The following DMD variants were observed in gnomAD, a reference collection of about 807,000 sequenced individuals.
DMD encodes the protein mutant dystrophin.
Under a neutral mutation model 330.1 loss-of-function variants are expected in DMD, and 63 were observed. The observed-to-expected ratio is 0.19, with a 90% CI of 0.16 to 0.24. The LOEUF (loss-of-function observed/expected upper bound fraction) is 0.24, where lower values mean the gene tolerates loss of function less well. DMD is among the 10% of genes least tolerant of loss of function. The pLI is 1.00. For missense variants in DMD, 3,344 were observed against 2,684.1 expected (o/e 1.25, Z -5.43); for synonymous variants, 1,223 against 959.8 (o/e 1.27, Z -5.07).
intron 2 of DMD, among the ~76,000 whole-genome samples, chrX:33,007,018 T>C (rs2093410578): frequency 9.0e-6 from 1 of 110,851 alleles, no homozygotes; most frequent in African/African-American, 3.3e-5. Context: ...CCCAGATCCA[T>C]GGACATCAAC....
intron 55 of DMD, among the ~76,000 whole-genome samples, chrX:31,557,809 T>C (rs1001347160): frequency 9.0e-6 from 1 of 110,571 alleles, no homozygotes; most frequent in Non-Finnish European, 1.9e-5. Context: ...GAGTTACATA[T>C]GTACACATAA....
intron 30 of DMD, among the ~76,000 whole-genome samples, chrX:32,391,580 C>T (rs1001178764): frequency 3.6e-5 from 4 of 112,183 alleles, no homozygotes; most frequent in Middle Eastern, 4.7e-3. Context: ...AGAGCAAATA[C>T]GCATATAAAT....
At chrX:31,764,260 C>A (rs996592606) in intron 51 of DMD, among the ~76,000 whole-genome samples, 3 of 111,504 alleles carry the variant, frequency 2.7e-5, no homozygotes, top group Non-Finnish European at 5.6e-5. Context: ...AACTACTGAT[C>A]TTTGCCCCCA....
intron 7 of DMD, among the ~76,000 whole-genome samples, chrX:32,779,730 A>G (rs2074528015): frequency 1.3e-5 from 1 of 78,573 alleles, no homozygotes; most frequent in African/African-American, 5.5e-5. Flanking sequence ...GGGTGGGGGT[A>G]TGGGGGAGGG....
chrX:31,717,543 T>C (rs2085153422), intron 52 of DMD, among the ~76,000 whole-genome samples: 1 of 112,009 alleles, frequency 8.9e-6, no homozygotes, highest in African/African-American at 3.2e-5. Flanking sequence ...CTTCTCCTCT[T>C]AGTGGCTCCT....
intron 55 of DMD, among the ~76,000 whole-genome samples, chrX:31,617,141 CTG>C (rs1182767255): frequency 8.9e-6 from 1 of 112,047 alleles, no homozygotes; most frequent in Admixed American, 9.4e-5. Context: ...GGAGAAAAGA[CTG>C]TTTCTAGTAT....
chrX:32,244,295 A>C (rs1348426101), intron 43 of DMD, among the ~76,000 whole-genome samples: 6 of 101,595 alleles, frequency 5.9e-5, no homozygotes, highest in South Asian at 4.9e-4. Context: ...TGAACTCATC[A>C]TTTTTTCTGG....
chrX:31,800,241 C>A (rs1253567758), intron 50 of DMD, among the ~76,000 whole-genome samples: 1 of 112,660 alleles, frequency 8.9e-6, no homozygotes. Context: ...GAGGGCCCTG[C>A]CCCTGCAGCA....
intron 1 of DMD, among the ~76,000 whole-genome samples, chrX:33,305,459 C>A: frequency 9.9e-6 from 1 of 100,660 alleles, no homozygotes; most frequent in African/African-American, 3.6e-5. Flanking sequence ...GGAGATATAC[C>A]TAATGCTAAA....
intron 44 of DMD, among the ~76,000 whole-genome samples, chrX:32,082,973 G>A (rs1016604284): frequency 3.6e-5 from 4 of 111,632 alleles, no homozygotes; most frequent in Non-Finnish European, 7.5e-5. Context: ...CAAAGCAAGG[G>A]TCATTCTGTT....
chrX:33,218,548 A>AT (rs1337928139), intron 1 of DMD, among the ~76,000 whole-genome samples: 1 of 111,320 alleles, frequency 9.0e-6, no homozygotes, highest in African/African-American at 3.3e-5. Context: ...TTAAAAAAAA[A>AT]ATATAACTAG....
chrX:32,990,834 G>A (rs1447645238), intron 2 of DMD, among the ~76,000 whole-genome samples: 3 of 111,291 alleles, frequency 2.7e-5, no homozygotes, highest in African/African-American at 9.8e-5. Context: ...CACACAAGGA[G>A]AAACTGTATG....
intron 48 of DMD, among the ~76,000 whole-genome samples, chrX:31,841,919 T>C (rs1228204326): frequency 8.9e-6 from 1 of 112,380 alleles, no homozygotes; most frequent in Non-Finnish European, 1.9e-5. Flanking sequence ...TCTGCAGTCC[T>C]TGGACAAAGG....
intron 1 of DMD, among the ~76,000 whole-genome samples, chrX:33,293,484 C>T (rs2053542801): frequency 9.0e-6 from 1 of 111,343 alleles, no homozygotes; most frequent in Non-Finnish European, 1.9e-5. Context: ...ACATTGCCAT[C>T]CAAGTAACAG....
chrX:32,688,557 C>G (rs964853088), intron 9 of DMD, among the ~76,000 whole-genome samples: 1 of 111,712 alleles, frequency 9.0e-6, no homozygotes, highest in Non-Finnish European at 1.9e-5. Flanking sequence ...GAGTCTTTCC[C>G]CTCTAACACT....
intron 7 of DMD, among the ~76,000 whole-genome samples, chrX:32,739,936 C>A (rs2069017209): frequency 9.1e-6 from 1 of 109,914 alleles, no homozygotes; most frequent in Non-Finnish European, 1.9e-5. Flanking sequence ...GTTTGAGAAC[C>A]CTTGTTTTAA....
At chrX:32,395,284 C>G (rs2098035904) in intron 30 of DMD, among the ~76,000 whole-genome samples, 1 of 111,825 alleles carries the variant, frequency 8.9e-6, no homozygotes, top group Non-Finnish European at 1.9e-5. Flanking sequence ...CAATTCCACA[C>G]AGTGAGAACA....
At chrX:32,090,533 C>T (rs974688747) in intron 44 of DMD, among the ~76,000 whole-genome samples, 1 of 111,189 alleles carries the variant, frequency 9.0e-6, no homozygotes, top group African/African-American at 3.3e-5. Context: ...TATTCGTCAG[C>T]GTTATCCACA....
At chrX:32,555,401 C>T (rs2149029123) in intron 16 of DMD, among the ~76,000 whole-genome samples, 1 of 111,798 alleles carries the variant, frequency 8.9e-6, no homozygotes, top group Non-Finnish European at 1.9e-5. Context: ...TGCCATCTCT[C>T]ACCACTCCTT....
Sources: gnomAD v4.1 joint callset for allele counts (sites outside exome capture counted in the v4.1 genomes callset) on GRCh38, gnomAD v4.1.1 for gene constraint, MANE v1.5 for transcripts, NCBI Gene and HGNC (gene_info 2026-07-23, HGNC 2026-07-21) for gene names.